TENM2: variants seen among roughly 807,000 people sequenced by gnomAD.
TENM2 encodes teneurin transmembrane protein 2.
In TENM2, 52 loss-of-function variants were observed where a neutral mutation model predicts 245.2. The observed-to-expected ratio is 0.21, with a 90% confidence interval of 0.17 to 0.27. TENM2 has a LOEUF of 0.27. Ranked by LOEUF, TENM2 falls within the 10% of genes least tolerant of loss-of-function variation. The probability of loss-of-function intolerance (pLI) is 1.00; values close to 1 mark genes in which losing one functional copy is unlikely to be tolerated. For missense variants in TENM2, 3,046 were observed against 3,666.8 expected, an observed-to-expected ratio of 0.83 and a Z score of 4.37; for synonymous variants, 1,363 against 1,438.9, an observed-to-expected ratio of 0.95 and a Z score of 1.19.
chr5:167,704,495 T>C (rs1263315786), intron 2 of TENM2, among the ~76,000 whole-genome samples: 4 of 152,050 alleles, frequency 2.6e-5, no homozygotes, highest in African/African-American at 9.7e-5. Context: ...TCTGATAAAA[T>C]AATGTTTCAC....
chr5:166,984,923 T>G, the TENM2 span, among the ~76,000 whole-genome samples: 1 of 152,138 alleles, frequency 6.6e-6, no homozygotes, highest in African/African-American at 2.4e-5. Flanking sequence ...TATTTTAGTC[T>G]TTATTTTTTA....
chr5:167,652,707 T>C (rs1354764534), intron 2 of TENM2, among the ~76,000 whole-genome samples: 1 of 152,218 alleles, frequency 6.6e-6, no homozygotes, highest in Non-Finnish European at 1.5e-5. Context: ...ATTGCTATCC[T>C]TTCTATGTAT....
At chr5:167,024,413 A>G in the TENM2 span, among the ~76,000 whole-genome samples, 1 of 152,192 alleles carries the variant, frequency 6.6e-6, no homozygotes, top group Non-Finnish European at 1.5e-5. Context: ...CTCTTCTCCT[A>G]CAGTTTGCAT....
At chr5:167,391,872 G>A (rs997007154) in intron 2 of TENM2, among the ~76,000 whole-genome samples, 1 of 152,032 alleles carries the variant, frequency 6.6e-6, no homozygotes, top group Admixed American at 6.6e-5. Context: ...CATAGGAGTG[G>A]CCCATATATA....
At chr5:167,333,343 G>A (rs1206246456) in intron 1 of TENM2, among the ~76,000 whole-genome samples, 1 of 152,136 alleles carries the variant, frequency 6.6e-6, no homozygotes, top group Non-Finnish European at 1.5e-5. Flanking sequence ...CAGCTGCAAA[G>A]TAAGCACAAT....
chr5:167,027,794 G>C, the TENM2 span, among the ~76,000 whole-genome samples: 1 of 152,000 alleles, frequency 6.6e-6, no homozygotes, highest in African/African-American at 2.4e-5. Context: ...TTTTACATAA[G>C]TGGGCTGGGT....
At chr5:167,297,217 T>G (rs1426333588) in intron 1 of TENM2, among the ~76,000 whole-genome samples, 5 of 152,218 alleles carry the variant, frequency 3.3e-5, no homozygotes, top group Non-Finnish European at 7.3e-5. Flanking sequence ...AAGCTCATAA[T>G]AGAGTCTTTT....
At chr5:167,529,937 G>A (rs1430209652) in intron 2 of TENM2, among the ~76,000 whole-genome samples, 3 of 152,042 alleles carry the variant, frequency 2.0e-5, no homozygotes, top group Non-Finnish European at 2.9e-5. Flanking sequence ...AATTCATTGG[G>A]GTGCAGTATT....
At chr5:167,834,892 C>T (rs1322712285) in intron 2 of TENM2, among the ~76,000 whole-genome samples, 11 of 152,044 alleles carry the variant, frequency 7.2e-5, no homozygotes, top group South Asian at 6.2e-4. Context: ...CCTCGTGATC[C>T]GCCCGCCTCG....
At chr5:167,399,331 C>T (rs772637957) in intron 2 of TENM2, among the ~76,000 whole-genome samples, 12 of 152,230 alleles carry the variant, frequency 7.9e-5, no homozygotes, top group African/African-American at 1.4e-4. Flanking sequence ...GAGGAGCGAG[C>T]GAGAGATGTG....
chr5:167,227,294 T>G, the TENM2 span, among the ~76,000 whole-genome samples: 1 of 152,106 alleles, frequency 6.6e-6, no homozygotes, highest in Non-Finnish European at 1.5e-5. Flanking sequence ...TTTGGTGGAT[T>G]TTTGTAGTGG....
At chr5:167,008,619 C>A in the TENM2 span, among the ~76,000 whole-genome samples, 1 of 152,004 alleles carries the variant, frequency 6.6e-6, no homozygotes, top group Admixed American at 6.6e-5. Flanking sequence ...TTCATTTGGC[C>A]GTTTTTCTAT....
intron 2 of TENM2, among the ~76,000 whole-genome samples, chr5:167,464,821 A>G (rs1766539183): frequency 6.6e-6 from 1 of 152,200 alleles, no homozygotes; most frequent in Non-Finnish European, 1.5e-5. Flanking sequence ...TAGTATTAGC[A>G]AGAGATTAAT....
intron 2 of TENM2, among the ~76,000 whole-genome samples, chr5:167,437,144 C>G (rs544867281): frequency 1.1e-3 from 170 of 152,216 alleles, no homozygotes; most frequent in Middle Eastern, 3.4e-3. Flanking sequence ...CAACACCAGC[C>G]CGTGAGAGCA....
At chr5:167,459,166 C>T (rs1561973796) in intron 2 of TENM2, among the ~76,000 whole-genome samples, 1 of 152,170 alleles carries the variant, frequency 6.6e-6, no homozygotes. Flanking sequence ...CTTCCCATAC[C>T]ATCTGGAAAC....
At chr5:167,172,594 G>GT in the TENM2 span, among the ~76,000 whole-genome samples, 3,207 of 148,292 alleles carry the variant, frequency 0.022, 47 homozygotes, top group Admixed American at 0.034. Flanking sequence ...AACTTTTTAC[G>GT]TTTTTTTTCT....
intron 2 of TENM2, among the ~76,000 whole-genome samples, chr5:167,817,653 A>T (rs1000867577): frequency 6.6e-6 from 1 of 152,210 alleles, no homozygotes; most frequent in African/African-American, 2.4e-5. Context: ...CTGAAAAAAA[A>T]ATATGTTCAG....
chr5:167,142,576 A>T, the TENM2 span, among the ~76,000 whole-genome samples: 42 of 152,056 alleles, frequency 2.8e-4, no homozygotes, highest in African/African-American at 9.7e-4. Context: ...ATTGAGACGG[A>T]GTCTCACTCT....
chr5:167,536,972 C>G (rs1771891007), intron 2 of TENM2, among the ~76,000 whole-genome samples: 1 of 151,898 alleles, frequency 6.6e-6, no homozygotes, highest in African/African-American at 2.4e-5. Flanking sequence ...TGCAGTGAGC[C>G]AAGATCACGC....
Sources: gnomAD v4.1 joint callset for allele counts (sites outside exome capture counted in the v4.1 genomes callset) on GRCh38, gnomAD v4.1.1 for gene constraint, MANE v1.5 for transcripts, NCBI Gene and HGNC (gene_info 2026-07-23, HGNC 2026-07-21) for gene names.